FPR3: variants seen among roughly 807,000 people sequenced by gnomAD.
FPR3 encodes formyl peptide receptor 3, also known as N-formyl peptide receptor 3.
For synonymous variants in FPR3, 135 were observed against 163.6 expected (o/e 0.83, Z 1.34); for missense variants, 346 against 443.2 (o/e 0.78, Z 1.97).
At chr19:51,797,877 CTTTT>C (rs753127261) in intron 1 of FPR3, among the ~76,000 whole-genome samples, 6 of 71,518 alleles carry the variant, frequency 8.4e-5, no homozygotes, top group East Asian at 5.1e-4. Context: ...CATGTCTATT[CTTTT>C]TTTTTTTTTT....
intron 1 of FPR3, among the ~76,000 whole-genome samples, chr19:51,810,762 G>A (rs1379643327): frequency 2.0e-5 from 3 of 152,112 alleles, no homozygotes; most frequent in Non-Finnish European, 2.9e-5. Context: ...AAGGTCAACC[G>A]GCTCTGTATG....
chr19:51,824,530 G>C lies in FPR3; in HGVS notation c.782G>C (p.Gly261Ala), dbSNP rs745783571. Residue 261 changes from glycine to alanine, a missense_variant, in exon 2 of 2, where the codon GGC (glycine) becomes GCC (alanine). Coordinates refer to ENST00000339223, the MANE Select transcript of FPR3 (RefSeq NM_002030.5). The surrounding 1 kb of genome is among the most constrained non-coding windows in gnomAD (Gnocchi z 4.7). ...FICWFPYELI[G>A]ILMAVWLKEM... ...TGTTGGTTCCCTTATGAACTAATTG[G>C]CATTCTAATGGCAGTCTGGCTCAAA... 1 of 1,614,072 alleles carries C rather than the reference G, an allele frequency of 6.2e-7. No homozygotes were observed. The highest frequency in any genetic ancestry group is 1.1e-5 in the South Asian group (1 of 91,072).
At chr19:51,801,233 A>G (rs2084025255) in intron 1 of FPR3, among the ~76,000 whole-genome samples, 1 of 152,136 alleles carries the variant, frequency 6.6e-6, no homozygotes. Context: ...TTATTAATTT[A>G]TGAAGAAACT....
Position 51,824,342 on chromosome 19 carries a change from CA to C in FPR3, c.596del (p.Lys199ArgfsTer4). ...GGTTGAACGTGTTCATTACCATGGC[CA>C]AGGTCTTTCTGATCCTCCACTTCAT... ...ERLNVFITMA[K>X]VFLILHFIIG... On this transcript the variant is annotated frameshift_variant, in exon 2 of 2. Coordinates refer to ENST00000339223, the MANE Select transcript of FPR3 (RefSeq NM_002030.5). LOFTEE classifies it low-confidence loss of function (END_TRUNC). The surrounding 1 kb of genome is among the most constrained non-coding windows in gnomAD (Gnocchi z 4.7). 6.2e-7 allele frequency: 1 copy of C among 1,614,126 alleles called. No homozygotes were observed. Among genetic ancestry groups the C allele is most frequent in the Non-Finnish European group, 8.5e-7 (1 of 1,179,998 alleles).
chr19:51,797,877 CT>C (rs753127261), intron 1 of FPR3, among the ~76,000 whole-genome samples: 14 of 71,510 alleles, frequency 2.0e-4, no homozygotes, highest in Admixed American at 1.0e-3. Flanking sequence ...CATGTCTATT[CT>C]TTTTTTTTTT....
Position 51,823,886 on chromosome 19 carries a change from T to C in FPR3, c.138T>C (p.Leu46=). ...TCTTCGGGGTCCTGGGCAATGGGCTTGTGATCTGGGTGGCTGGATTCCGGA... is the reference window on the plus strand; with the variant it reads ...TCTTCGGGGTCCTGGGCAATGGGCTCGTGATCTGGGTGGCTGGATTCCGGA... ...TFVFGVLGNG[L]VIWVAGFRMT... The change falls in exon 2 of 2, where the codon CTT becomes CTC. Residue 46 remains leucine, a synonymous_variant. Coordinates refer to ENST00000339223, the MANE Select transcript of FPR3 (RefSeq NM_002030.5). The C allele has an allele frequency of 6.2e-7, 1 of 1,614,100 alleles. No homozygotes were observed. The highest frequency in any genetic ancestry group is 8.5e-7 in the Non-Finnish European group (1 of 1,179,984).
intron 1 of FPR3, among the ~76,000 whole-genome samples, chr19:51,806,369 T>C (rs537734953): frequency 1.3e-5 from 2 of 152,336 alleles, no homozygotes; most frequent in East Asian, 3.9e-4. Flanking sequence ...TTGTCCTTCT[T>C]CTGGGGATTT....
At chr19:51,800,749 A>AT (rs1192756334) in intron 1 of FPR3, among the ~76,000 whole-genome samples, 7 of 150,756 alleles carry the variant, frequency 4.6e-5, no homozygotes, top group South Asian at 2.1e-4. Context: ...TCTCAATACC[A>AT]TTTTTTTTTC....
intron 1 of FPR3, chr19:51,817,978 C>CT (rs142320718): frequency 0.11 from 15,730 of 148,110 alleles, 1,120 homozygotes; most frequent in Middle Eastern, 0.16. Flanking sequence ...TTTTTTCAGT[C>CT]TTTTTTTTTT....
chr19:51,809,064 T>C (rs1295562326), intron 1 of FPR3, among the ~76,000 whole-genome samples: 1 of 152,242 alleles, frequency 6.6e-6, no homozygotes, highest in Non-Finnish European at 1.5e-5. Flanking sequence ...AGGATTTCCT[T>C]GAAGAAATTT....
Position 51,795,504 on chromosome 19 carries a change from CTTTTTTTTTT to C in FPR3, c.-11+193_-11+202del, listed in dbSNP as rs58620565. 4.7e-4 allele frequency among the ~76,000 whole-genome samples: 35 copies of C among 74,740 alleles called. 1 individual carries two copies. In the South Asian group the frequency reaches 0.017, roughly 36 times the overall value. 49.0% of individuals were successfully genotyped at this position (74,740 alleles called of 152,430 possible). ...TTTGGTTACATGTTCCAGTAACATT[CTTTTTTTTTT>C]TTTTTTTTTTTTTTTTTTTGATGGA... On this transcript the variant is annotated intron_variant, in intron 1 of 1. Transcript: ENST00000339223.
chr19:51,812,054 A>G (rs767788378), intron 1 of FPR3, among the ~76,000 whole-genome samples: 3 of 152,216 alleles, frequency 2.0e-5, no homozygotes, highest in Admixed American at 6.5e-5. Flanking sequence ...TAAATTACCC[A>G]TAGTCATACC....
rs1434787303 is a variant in FPR3, at chr19:51,824,850, C to A, written c.*40C>A. The stretch of plus-strand genomic sequence containing the variant: ...TTGGGCTCTGTCTCTTTCTACCCTG[C>A]GTTAAGCGGAAAAAAAAAATTCTGA... On this transcript the variant is annotated 3_prime_UTR_variant, in exon 2 of 2. Transcript: ENST00000339223. This position sits in a 1 kb window ranked among gnomAD's most constrained non-coding sequence, Gnocchi z 4.7. The A allele has an allele frequency of 1.3e-6, 2 of 1,483,132 alleles. No individual in the cohort carries two copies. Among genetic ancestry groups the A allele is most frequent in the Non-Finnish European group, 1.8e-6 (2 of 1,104,614 alleles). The allele number at this position is 1,483,132 out of a possible 1,614,324, so 91.9% of individuals were successfully genotyped here.
intron 1 of FPR3, among the ~76,000 whole-genome samples, chr19:51,809,211 A>C (rs529532325): frequency 4.5e-4 from 68 of 152,330 alleles, no homozygotes; most frequent in African/African-American, 1.6e-3. Context: ...TATATTTTCA[A>C]CATAAGACTG....
intron 1 of FPR3, chr19:51,804,796 C>T (rs2122420550): frequency 6.6e-6 from 1 of 152,210 alleles, no homozygotes; most frequent in Non-Finnish European, 1.5e-5. Flanking sequence ...GAATAAAAGA[C>T]AAGAGACAAA....
chr19:51,824,781 C>T lies in FPR3; in HGVS notation c.1033C>T (p.Pro345Ser). ...SNTDTTSASP[P>S]EETELQAM ...CACAGACACCACTTCTGCTTCACCTCCTGAGGAGACGGAGTTACAAGCAAT... is the reference window on the plus strand; with the variant it reads ...CACAGACACCACTTCTGCTTCACCTTCTGAGGAGACGGAGTTACAAGCAAT... Residue 345 changes from proline to serine, a missense_variant, in exon 2 of 2, where the codon CCT (proline) becomes TCT (serine). Physicochemically the swap from Pro to Ser is moderately conservative, Grantham distance 74. Coordinates refer to ENST00000339223, the MANE Select transcript of FPR3 (RefSeq NM_002030.5). The surrounding 1 kb of genome is among the most constrained non-coding windows in gnomAD (Gnocchi z 4.7). 1 of 1,613,180 alleles carries T rather than the reference C, an allele frequency of 6.2e-7. No homozygotes were observed. The highest frequency in any genetic ancestry group is 1.1e-5 in the South Asian group (1 of 91,006).
chr19:51,815,661 G>T (rs1406420669), intron 1 of FPR3, among the ~76,000 whole-genome samples: 1 of 151,854 alleles, frequency 6.6e-6, no homozygotes, highest in East Asian at 1.9e-4. Context: ...TTAAGCCCAG[G>T]AGTTTGAAAC....
chr19:51,814,744 C>T (rs1020444155), intron 1 of FPR3, among the ~76,000 whole-genome samples: 3 of 152,202 alleles, frequency 2.0e-5, no homozygotes, highest in Middle Eastern at 3.4e-3. Context: ...CTGCCCACCT[C>T]GGCCTCCCAA....
intron 1 of FPR3, among the ~76,000 whole-genome samples, chr19:51,800,974 G>C (rs1178973065): frequency 6.6e-6 from 1 of 152,190 alleles, no homozygotes; most frequent in East Asian, 1.9e-4. Context: ...TTCCCAGAGA[G>C]AGGTGACTGT....
Sources: gnomAD v4.1 joint callset for allele counts (sites outside exome capture counted in the v4.1 genomes callset) on GRCh38, gnomAD v4.1.1 for gene constraint, Gnocchi (gnomAD v3.1) non-coding constraint, MANE v1.5 for transcripts, NCBI Gene and HGNC (gene_info 2026-07-23, HGNC 2026-07-21) for gene names.